Variants in KIF21A observed in about 807,000 individuals in gnomAD.
The protein encoded by KIF21A is kinesin-like protein KIF21A.
A neutral mutation model predicts 202.9 loss-of-function variants in KIF21A; 114 were observed. That is an observed-to-expected ratio of 0.56 (90% CI 0.48 to 0.66). KIF21A has a LOEUF of 0.66. KIF21A is among the 30% of genes least tolerant of loss of function. The pLI is 0.00. For missense variants in KIF21A, 1,677 were observed against 1,994.9 expected (o/e 0.84, Z 3.04); for synonymous variants, 667 against 670.8 (o/e 0.99, Z 0.09).
chr12:39,412,359 G>T (rs1055790650), intron 1 of KIF21A, among the ~76,000 whole-genome samples: 2 of 152,098 alleles, frequency 1.3e-5, no homozygotes, highest in Admixed American at 1.3e-4. Flanking sequence ...GACCCATGAT[G>T]AATAACAAAC....
At chr12:39,344,976 A>G (rs970255966) in intron 12 of KIF21A, among the ~76,000 whole-genome samples, 47 of 152,320 alleles carry the variant, frequency 3.1e-4, no homozygotes, top group African/African-American at 1.1e-3. Context: ...CCTGACTCCC[A>G]GAACATCTCA....
At position 39,333,194 on chromosome 12, in the gene KIF21A, T is replaced by G; in HGVS notation, c.2487+18A>C. ...AAGTCAGAAGGTTTCTTCCAAATGG[T>G]CAGCTTGCTTACTGTACCTCTTCAG... On this transcript the variant is annotated intron_variant, in intron 18 of 37. Coordinates refer to ENST00000361418, the MANE Select transcript of KIF21A (RefSeq NM_001173464.2). 6.2e-7 allele frequency: 1 copy of G among 1,612,498 alleles called. No homozygotes were observed. The highest frequency in any genetic ancestry group is 8.5e-7 in the Non-Finnish European group (1 of 1,178,484).
chr12:39,369,163 C>G (rs1035344741), intron 3 of KIF21A, among the ~76,000 whole-genome samples: 8 of 152,146 alleles, frequency 5.3e-5, no homozygotes, highest in African/African-American at 1.9e-4. Context: ...TAACCTTTAT[C>G]TATTGATAAA....
rs572275868 is a variant in KIF21A, at chr12:39,378,372, G to A, written c.45-8111C>T. On this transcript the variant is annotated intron_variant, in intron 1 of 37. Coordinates refer to ENST00000361418, the MANE Select transcript of KIF21A (RefSeq NM_001173464.2). ...TACATTGAAATAATGCACATGGGCT[G>A]ACAAAATAAAGAAAAAAAATAGTCA... 4.6e-5 allele frequency among the ~76,000 whole-genome samples: 7 copies of A among 152,170 alleles called. No homozygotes were observed. In the South Asian group the frequency reaches 1.5e-3, roughly 32 times the overall value.
At chr12:39,399,638 T>C (rs1253594573) in intron 1 of KIF21A, among the ~76,000 whole-genome samples, 2 of 152,194 alleles carry the variant, frequency 1.3e-5, no homozygotes, top group Admixed American at 6.5e-5. Context: ...CCACATCTTC[T>C]CTCCCCCAAG....
intron 1 of KIF21A, among the ~76,000 whole-genome samples, chr12:39,416,918 C>CAT (rs1555198669): frequency 6.7e-6 from 1 of 148,588 alleles, no homozygotes. Flanking sequence ...CACACACACA[C>CAT]ATATAAATAA....
chr12:39,374,933 T>A (rs1950174713), intron 1 of KIF21A, among the ~76,000 whole-genome samples: 1 of 152,196 alleles, frequency 6.6e-6, no homozygotes, highest in South Asian at 2.1e-4. Flanking sequence ...GCACCAGTAC[T>A]TCTTATTGTT....
chr12:39,365,819 G>A (rs1365437099), intron 6 of KIF21A, among the ~76,000 whole-genome samples: 1 of 152,140 alleles, frequency 6.6e-6, no homozygotes, highest in African/African-American at 2.4e-5. Context: ...AGACTAGCCT[G>A]GGCAATGTGG....
At chr12:39,359,421 C>T (rs1452727866) in intron 7 of KIF21A, among the ~76,000 whole-genome samples, 1 of 152,076 alleles carries the variant, frequency 6.6e-6, no homozygotes, top group Non-Finnish European at 1.5e-5. Context: ...AACTCTTAGA[C>T]TTTAGATTCC....
chr12:39,399,071 A>G (rs1951972767), intron 1 of KIF21A, among the ~76,000 whole-genome samples: 1 of 151,890 alleles, frequency 6.6e-6, no homozygotes, highest in Non-Finnish European at 1.5e-5. Context: ...AAAAAAATAC[A>G]AAGTGGACAT....
chr12:39,313,314 A>G (rs1176392706), intron 31 of KIF21A, among the ~76,000 whole-genome samples: 2 of 151,914 alleles, frequency 1.3e-5, no homozygotes, highest in Admixed American at 6.6e-5. Flanking sequence ...AGAGGAATAC[A>G]TTAAGCAAAT....
At chr12:39,390,406 C>T (rs1224432918) in intron 1 of KIF21A, among the ~76,000 whole-genome samples, 3 of 151,746 alleles carry the variant, frequency 2.0e-5, no homozygotes, top group African/African-American at 7.3e-5. Flanking sequence ...TTCAAGTTTA[C>T]GAGGAAAAGT....
intron 11 of KIF21A, among the ~76,000 whole-genome samples, chr12:39,348,280 G>T (rs1449110765): frequency 6.6e-6 from 1 of 152,024 alleles, no homozygotes; most frequent in Non-Finnish European, 1.5e-5. Context: ...CAGTTAAAGA[G>T]AATGACAATT....
At chr12:39,323,403 G>GA (rs1162770806) in intron 26 of KIF21A, among the ~76,000 whole-genome samples, 1 of 152,028 alleles carries the variant, frequency 6.6e-6, no homozygotes, top group African/African-American at 2.4e-5. Context: ...CTAAATCCTG[G>GA]TTTTTCCCAT....
At chr12:39,371,256 G>A (rs961044780) in intron 1 of KIF21A, among the ~76,000 whole-genome samples, 17 of 152,066 alleles carry the variant, frequency 1.1e-4, no homozygotes, top group African/African-American at 3.4e-4. Flanking sequence ...ATTTTAAAAA[G>A]AAATAAATTA....
chr12:39,443,018 C>T lies in KIF21A; in HGVS notation c.-48G>A. ...GCCGTTGGGCCTCGGCACCGCAGAG[C>T]TGAGGCGCCACTGGGGCCGCGGGAC... On this transcript the variant is annotated 5_prime_UTR_variant, in exon 1 of 38. Coordinates refer to ENST00000361418, the MANE Select transcript of KIF21A (RefSeq NM_001173464.2). The T allele has an allele frequency of 2.0e-6, 3 of 1,497,436 alleles. No homozygotes were observed. Among genetic ancestry groups the T allele is most frequent in the Non-Finnish European group, 2.7e-6 (3 of 1,130,416 alleles). The allele number at this position is 1,497,436 out of a possible 1,614,324, so 92.8% of individuals were successfully genotyped here. A position where few individuals can be genotyped will look rare whatever the true frequency, so the allele number is the denominator to read the frequency against.
At chr12:39,377,577 G>A (rs1950345094) in intron 1 of KIF21A, among the ~76,000 whole-genome samples, 1 of 152,100 alleles carries the variant, frequency 6.6e-6, no homozygotes, top group Non-Finnish European at 1.5e-5. Context: ...TGTCTCCTAA[G>A]AGATCGGGCA....
chr12:39,393,718 T>C (rs564685537), intron 1 of KIF21A, among the ~76,000 whole-genome samples: 2 of 152,216 alleles, frequency 1.3e-5, no homozygotes, highest in Admixed American at 6.5e-5. Context: ...AGAATAAATT[T>C]TTAACTATTT....
chr12:39,404,997 A>T (rs1009994818), intron 1 of KIF21A, among the ~76,000 whole-genome samples: 2 of 152,170 alleles, frequency 1.3e-5, no homozygotes, highest in Admixed American at 1.3e-4. Flanking sequence ...AAACTAAAAA[A>T]ATATATAGTA....
Sources: allele counts gnomAD v4.1 joint callset (sites outside exome capture counted in the v4.1 genomes callset), GRCh38; gene constraint gnomAD v4.1.1; transcripts MANE v1.5; gene names NCBI Gene and HGNC (gene_info 2026-07-23, HGNC 2026-07-21).